WDR7: variants seen among roughly 807,000 people sequenced by gnomAD.
WDR7 encodes the protein WD repeat-containing protein 7.
A neutral mutation model predicts 169.4 loss-of-function variants in WDR7; 46 were observed. The observed-to-expected ratio is 0.27, with a 90% CI of 0.21 to 0.35. The LOEUF (loss-of-function observed/expected upper bound fraction) is 0.35, where lower values mean the gene tolerates loss of function less well. Ranked by LOEUF, WDR7 falls within the 10% of genes least tolerant of loss-of-function variation. The pLI is 1.00. For synonymous variants in WDR7, 612 were observed against 666.8 expected, an observed-to-expected ratio of 0.92 and a Z score of 1.27; for missense variants, 1,534 against 1,859.3, an observed-to-expected ratio of 0.83 and a Z score of 3.22.
At chr18:56,661,045 T>C (rs575091549) in intron 1 of WDR7, among the ~76,000 whole-genome samples, 48 of 152,366 alleles carry the variant, frequency 3.2e-4, no homozygotes, top group African/African-American at 1.1e-3. Context: ...ATTTTAGTGA[T>C]TCCAAGACTA....
At chr18:56,728,785 G>C (rs1036462283) in intron 13 of WDR7, among the ~76,000 whole-genome samples, 2 of 152,126 alleles carry the variant, frequency 1.3e-5, no homozygotes, top group African/African-American at 2.4e-5. Context: ...CTCCACTCAG[G>C]TTCCAACAGT....
At chr18:56,993,871 G>A (rs896650713) in intron 26 of WDR7, among the ~76,000 whole-genome samples, 5 of 152,196 alleles carry the variant, frequency 3.3e-5, no homozygotes, top group Non-Finnish European at 5.9e-5. Flanking sequence ...ATTGTTGCCA[G>A]TCAATTGTAG....
chr18:56,896,568 G>A (rs1278006159), intron 21 of WDR7, among the ~76,000 whole-genome samples: 2 of 151,794 alleles, frequency 1.3e-5, no homozygotes, highest in African/African-American at 4.8e-5. Flanking sequence ...TATAGACCTA[G>A]CATTGTAGAT....
intron 26 of WDR7, among the ~76,000 whole-genome samples, chr18:56,980,325 C>G (rs1450392186): frequency 1.3e-5 from 2 of 152,212 alleles, no homozygotes; most frequent in Non-Finnish European, 2.9e-5. Flanking sequence ...CTAGCACCCC[C>G]AGATTGCATT....
intron 24 of WDR7, 126 bp downstream of exon 24, chr18:56,938,808 AGTGTGTGTGTGTGT>A (rs71171007): frequency 4.5e-6 from 3 of 661,744 alleles, no homozygotes; most frequent in East Asian, 3.5e-5. Flanking sequence ...AGAAAGAATG[AGTGTGTGTGTGTGT>A]GTGTGTGTGT....
At chr18:56,691,908 T>C (rs1003100044) in intron 9 of WDR7, 91 bp downstream of exon 9, 2 of 971,778 alleles carry the variant, frequency 2.1e-6, no homozygotes, top group African/African-American at 3.3e-5. Flanking sequence ...TTTAAAAAAT[T>C]TGATACAATT....
At chr18:56,813,207 A>G (rs2044905586) in intron 19 of WDR7, among the ~76,000 whole-genome samples, 1 of 150,716 alleles carries the variant, frequency 6.6e-6, no homozygotes, top group Non-Finnish European at 1.5e-5. Context: ...AAAAAAAAAA[A>G]ATTAACCATC....
intron 19 of WDR7, among the ~76,000 whole-genome samples, chr18:56,785,830 CTTTTT>C (rs112540201): frequency 7.2e-6 from 1 of 139,780 alleles, no homozygotes; most frequent in Non-Finnish European, 1.6e-5. Flanking sequence ...TTTTCTTTTT[CTTTTT>C]TTTTTTTTTT....
chr18:56,959,103 A>G (rs1434661637), intron 25 of WDR7, among the ~76,000 whole-genome samples: 1 of 152,118 alleles, frequency 6.6e-6, no homozygotes, highest in Non-Finnish European at 1.5e-5. Context: ...TTGTCAAGAT[A>G]ACTTTGGAAC....
chr18:56,735,269 G>A (rs1315319551), intron 14 of WDR7, among the ~76,000 whole-genome samples: 2 of 152,106 alleles, frequency 1.3e-5, no homozygotes, highest in Non-Finnish European at 2.9e-5. Context: ...GTCTTGAAGA[G>A]TTTGATGTTC....
At chr18:56,808,726 G>A (rs866314391) in intron 19 of WDR7, among the ~76,000 whole-genome samples, 1 of 152,000 alleles carries the variant, frequency 6.6e-6, no homozygotes, top group African/African-American at 2.4e-5. Context: ...ATTCATAAAG[G>A]TAATTTACAA....
At chr18:56,882,967 A>G (rs1350133565) in intron 21 of WDR7, among the ~76,000 whole-genome samples, 5 of 152,164 alleles carry the variant, frequency 3.3e-5, no homozygotes, top group Non-Finnish European at 7.4e-5. Flanking sequence ...TCACACCTGT[A>G]ATCCCAGCAC....
At chr18:57,032,957 AG>A (rs1323062313), downstream of WDR7, 1 of 151,444 alleles carries the variant, frequency 6.6e-6, no homozygotes, top group African/African-American at 2.4e-5. Context: ...CGTGCAAAAA[AG>A]GTTGGGAAAT....
chr18:56,841,623 C>A (rs1348013442), intron 20 of WDR7, among the ~76,000 whole-genome samples: 4 of 151,602 alleles, frequency 2.6e-5, no homozygotes, highest in Non-Finnish European at 4.4e-5. Flanking sequence ...TAATAGAAAA[C>A]GTAAATTTAA....
At chr18:56,956,870 G>T (rs568794216) in intron 25 of WDR7, among the ~76,000 whole-genome samples, 20 of 152,122 alleles carry the variant, frequency 1.3e-4, no homozygotes, top group Non-Finnish European at 2.4e-4. Context: ...GTCACTTTGT[G>T]TAAATTAAAA....
chr18:56,820,426 C>T (rs956455180), intron 20 of WDR7, among the ~76,000 whole-genome samples: 6 of 141,408 alleles, frequency 4.2e-5, no homozygotes, highest in Non-Finnish European at 6.0e-5. Context: ...AGCAATGATA[C>T]GTGGATCCCA....
intron 14 of WDR7, among the ~76,000 whole-genome samples, chr18:56,748,353 A>G (rs1568172482): frequency 6.6e-6 from 1 of 152,126 alleles, no homozygotes; most frequent in Non-Finnish European, 1.5e-5. Context: ...GTTGAAAATC[A>G]ATCTCTTTTG....
intron 15 of WDR7, 47 bp from the exon 16 acceptor site, chr18:56,758,817 AT>A (rs1405640345): frequency 3.5e-6 from 5 of 1,429,370 alleles, no homozygotes; most frequent in Non-Finnish European, 4.8e-6. Flanking sequence ...AGTTCTGGAA[AT>A]ATGACAGTAT....
chr18:56,940,688 T>G lies in WDR7; in HGVS notation c.4064+1295T>G, dbSNP rs564066691. 3.3e-5 allele frequency among the ~76,000 whole-genome samples: 5 copies of G among 152,352 alleles called. No homozygotes were observed. In the South Asian group the frequency reaches 1.0e-3, roughly 32 times the overall value. On this transcript the variant is annotated intron_variant, in intron 25 of 27. Transcript: ENST00000254442. ...TGGGAATGTCTAAGCGAAAATGTAC[T>G]TTTGCCTGTCACTTCCTGGAGGTGA...
Sources: allele counts gnomAD v4.1 joint callset (sites outside exome capture counted in the v4.1 genomes callset), GRCh38; gene constraint gnomAD v4.1.1; transcripts MANE v1.5; gene names NCBI Gene and HGNC (gene_info 2026-07-23, HGNC 2026-07-21).